CTNNA2: variants seen among roughly 807,000 people sequenced by gnomAD.
The protein encoded by CTNNA2 is catenin alpha-2.
In CTNNA2, 42 loss-of-function variants were observed where a neutral mutation model predicts 101.0. That is an observed-to-expected ratio of 0.42 (90% CI 0.32 to 0.54). CTNNA2 has a LOEUF of 0.54. CTNNA2 is among the 20% of genes least tolerant of loss of function. CTNNA2 has a pLI of 0.14. For synonymous variants in CTNNA2, 450 were observed against 456.4 expected (o/e 0.99, Z 0.18); for missense variants, 871 against 1,223.1 (o/e 0.71, Z 4.29).
rs78693243 is a variant in CTNNA2, at chr2:79,537,843, A to G, written c.-6+24636A>G. Among the ~76,000 whole-genome samples, 1,722 of 151,300 alleles carry G rather than the reference A, an allele frequency of 0.011. 97 individuals are homozygous for G. The East Asian group carries it at 0.15, about 14-fold the overall frequency. On this transcript the variant is annotated intron_variant, in intron 1 of 18. Transcript: ENST00000402739. ...AGTTATGCATACAACTTTCCTGGAT[A>G]CCAGTAGCCCCTCAGGATCTGTGGT... is the stretch of plus-strand genomic sequence containing the variant.
intron 7 of CTNNA2, among the ~76,000 whole-genome samples, chr2:80,277,335 A>C (rs2149151599): frequency 6.6e-6 from 1 of 152,252 alleles, no homozygotes; most frequent in African/African-American, 2.4e-5. Context: ...AGGATTGATT[A>C]AGTCCTAATC....
At chr2:79,496,692 C>CGGTA (rs1558681719) in intron 4 of CTNNA2, among the ~76,000 whole-genome samples, 2 of 151,224 alleles carry the variant, frequency 1.3e-5, no homozygotes, top group African/African-American at 4.9e-5. Context: ...CTAGCCCTAC[C>CGGTA]GCCTGTGTAC....
At chr2:79,234,019 G>A (rs1270990810) in intron 2 of CTNNA2, among the ~76,000 whole-genome samples, 1 of 149,534 alleles carries the variant, frequency 6.7e-6, no homozygotes, top group African/African-American at 2.5e-5. Flanking sequence ...TGTCTTTTAA[G>A]TGGGGTGCTT....
chr2:79,652,245 T>C (rs1010166018), intron 2 of CTNNA2, among the ~76,000 whole-genome samples: 7 of 152,008 alleles, frequency 4.6e-5, no homozygotes, highest in African/African-American at 7.3e-5. Flanking sequence ...GTGATTTTTT[T>C]TTTTTTTTTA....
intron 2 of CTNNA2, among the ~76,000 whole-genome samples, chr2:79,730,895 A>C (rs1687155874): frequency 6.6e-6 from 1 of 152,044 alleles, no homozygotes; most frequent in South Asian, 2.1e-4. Flanking sequence ...CTACAAAAAA[A>C]ATGAGAAAAA....
chr2:79,316,267 G>T (rs934186745), intron 3 of CTNNA2, among the ~76,000 whole-genome samples: 3 of 151,958 alleles, frequency 2.0e-5, no homozygotes, highest in African/African-American at 7.2e-5. Flanking sequence ...ATATGTAATG[G>T]TTTATTTCTG....
At chr2:79,353,843 C>T (rs746647600) in intron 3 of CTNNA2, among the ~76,000 whole-genome samples, 29 of 152,108 alleles carry the variant, frequency 1.9e-4, no homozygotes, top group Admixed American at 4.6e-4. Context: ...CCTTAAGGAC[C>T]TACTGTAAGA....
At chr2:80,385,507 C>A (rs1676915083) in intron 7 of CTNNA2, among the ~76,000 whole-genome samples, 1 of 152,142 alleles carries the variant, frequency 6.6e-6, no homozygotes, top group African/African-American at 2.4e-5. Context: ...TTGTCATAAG[C>A]CACCCAGTCT....
intron 7 of CTNNA2, among the ~76,000 whole-genome samples, chr2:79,993,127 G>A (rs376188533): frequency 7.9e-5 from 12 of 152,248 alleles, no homozygotes; most frequent in African/African-American, 2.4e-4. Context: ...GTCACAGAGT[G>A]GTTACTTCCT....
chr2:80,283,475 A>G (rs945163350), intron 7 of CTNNA2, among the ~76,000 whole-genome samples: 1 of 152,174 alleles, frequency 6.6e-6, no homozygotes, highest in Admixed American at 6.6e-5. Flanking sequence ...AGGACAAATA[A>G]CAAGATAGTA....
chr2:80,569,251 A>G (rs1694340525), intron 12 of CTNNA2, among the ~76,000 whole-genome samples: 1 of 152,110 alleles, frequency 6.6e-6, no homozygotes, highest in South Asian at 2.1e-4. Context: ...CTTGATTTTT[A>G]TATGCATACT....
chr2:80,455,029 C>A (rs1157469069), intron 9 of CTNNA2, among the ~76,000 whole-genome samples: 1 of 152,222 alleles, frequency 6.6e-6, no homozygotes, highest in Non-Finnish European at 1.5e-5. Context: ...GGCTGCATCC[C>A]TCATGACAGC....
In CTNNA2 at chr2:80,604,186, G is replaced by A. The variant is rs780761951; in HGVS notation, c.2295+7G>A. 54 of 1,610,096 alleles carry A rather than the reference G, an allele frequency of 3.4e-5. No homozygotes were observed. On this transcript the variant is annotated splice_region_variant and intron_variant, in intron 16 of 18. Transcript: ENST00000402739. ...TCGTGCTGTGGCTGATCAGGTAATA[G>A]AAGAGGGAAGGGTGGGCACATGCTG...
chr2:79,751,051 A>C (rs1047156817), intron 3 of CTNNA2, among the ~76,000 whole-genome samples: 3 of 152,156 alleles, frequency 2.0e-5, no homozygotes, highest in Non-Finnish European at 2.9e-5. Context: ...AGGGCAGTTA[A>C]ATATTTCAGG....
At chr2:80,446,587 G>A (rs1683088353) in intron 9 of CTNNA2, among the ~76,000 whole-genome samples, 1 of 152,082 alleles carries the variant, frequency 6.6e-6, no homozygotes, top group South Asian at 2.1e-4. Context: ...ATCCTTGGAA[G>A]CTTTCCAAAT....
intron 17 of CTNNA2, among the ~76,000 whole-genome samples, chr2:80,611,947 T>C (rs980300563): frequency 2.6e-5 from 4 of 151,624 alleles, no homozygotes; most frequent in African/African-American, 7.3e-5. Context: ...CAAATTTTAA[T>C]AGATTTTATT....
At chr2:79,776,566 A>G (rs1344665268) in intron 3 of CTNNA2, among the ~76,000 whole-genome samples, 7 of 152,224 alleles carry the variant, frequency 4.6e-5, no homozygotes, top group African/African-American at 1.7e-4. Flanking sequence ...TAGAATTGCC[A>G]AATATATCCG....
intron 12 of CTNNA2, among the ~76,000 whole-genome samples, chr2:80,573,500 C>G (rs778292957): frequency 6.6e-6 from 1 of 152,086 alleles, no homozygotes; most frequent in South Asian, 2.1e-4. Flanking sequence ...TCCCTCTTTT[C>G]TATTACACAC....
At chr2:80,307,746 A>G (rs1350959610) in intron 7 of CTNNA2, among the ~76,000 whole-genome samples, 1 of 152,228 alleles carries the variant, frequency 6.6e-6, no homozygotes, top group African/African-American at 2.4e-5. Context: ...ACCTGAGCTC[A>G]TCTAGCTGAA....
Sources: allele counts gnomAD v4.1 joint callset (sites outside exome capture counted in the v4.1 genomes callset), GRCh38; gene constraint gnomAD v4.1.1; transcripts MANE v1.5; gene names NCBI Gene and HGNC (gene_info 2026-07-23, HGNC 2026-07-21).